RPS6KA5: variants seen among roughly 807,000 people sequenced by gnomAD.
RPS6KA5 encodes ribosomal protein S6 kinase alpha-5.
Under a neutral mutation model 85.5 loss-of-function variants are expected in RPS6KA5, and 27 were observed. The ratio of observed to expected loss-of-function variants is 0.32; its 90% CI spans 0.23 to 0.44. RPS6KA5 has a LOEUF of 0.44. RPS6KA5 is among the 20% of genes least tolerant of loss of function. The pLI is 1.00. For synonymous variants in RPS6KA5, 334 were observed against 348.2 expected (o/e 0.96, Z 0.46); for missense variants, 811 against 980.9 (o/e 0.83, Z 2.31).
chr14:90,943,224 C>A (rs1458732860), intron 4 of RPS6KA5, 39 bp from the exon 5 acceptor site: 13 of 1,208,308 alleles, frequency 1.1e-5, no homozygotes, highest in Non-Finnish European at 1.3e-5. Flanking sequence ...AAATAATTTA[C>A]AAAAAAATGA....
In RPS6KA5 at chr14:90,860,463, G is replaced by A. The variant is rs1354898330; in HGVS notation, c.*11611C>T. The A allele has an allele frequency of 1.3e-5, 2 of 152,216 alleles. No homozygotes were observed. Among genetic ancestry groups the A allele is most frequent in the African/African-American group, 4.8e-5 (2 of 41,418 alleles). 9.4% of individuals were successfully genotyped at this position (152,216 alleles called of 1,614,324 possible). Reference sequence around the variant, plus strand: ...ACACAAGAATCACTTGAACCTAGGAGGTGGAGGTTGCAGTGAGCCAAGATT... The same window carrying A: ...ACACAAGAATCACTTGAACCTAGGAAGTGGAGGTTGCAGTGAGCCAAGATT... On this transcript the variant is annotated 3_prime_UTR_variant, in exon 17 of 17. Transcript: ENST00000614987.
Position 91,060,580 on chromosome 14 carries a change from C to G in RPS6KA5, c.-146G>C. The G allele has an allele frequency of 1.8e-6, 2 of 1,084,728 alleles. No homozygotes were observed. Among genetic ancestry groups the G allele is most frequent in the Non-Finnish European group, 1.2e-6 (1 of 851,362 alleles). The allele number at this position is 1,084,728 out of a possible 1,614,324, so 67.2% of individuals were successfully genotyped here. On this transcript the variant is annotated 5_prime_UTR_variant, in exon 1 of 17. Transcript: ENST00000614987. ...CGGACGCAAAGACGAGTCTCTTTCC[C>G]GCTCTGGCCGCACGGCTCGCTCCTC...
At chr14:91,012,174 C>A (rs1401851358) in intron 1 of RPS6KA5, among the ~76,000 whole-genome samples, 1 of 152,224 alleles carries the variant, frequency 6.6e-6, no homozygotes, top group Non-Finnish European at 1.5e-5. Flanking sequence ...AAAGTTCCTA[C>A]TTTTGGCAAA....
Position 90,890,495 on chromosome 14 carries a change from C to A in RPS6KA5, c.1828G>T (p.Val610Phe). The A allele has an allele frequency of 6.2e-7, 1 of 1,602,970 alleles. No individual in the cohort carries two copies. Among genetic ancestry groups the A allele is most frequent in the Non-Finnish European group, 8.5e-7 (1 of 1,175,356 alleles). The part of the protein sequence containing the change: ...DESCDLWSLG[V>F]ILYTMLSGQV... ...TATTGAAAAGAACTCACCAAAATGACGCCCAAGCTCCACAGGTCACAGGAC... is the reference window on the plus strand; with the variant it reads ...TATTGAAAAGAACTCACCAAAATGAAGCCCAAGCTCCACAGGTCACAGGAC... Residue 610 changes from valine to phenylalanine, a missense_variant, in exon 14 of 17, where the codon GTC (valine) becomes TTC (phenylalanine). By Grantham distance (50) the Val-to-Phe change is conservative. Around this residue, in one of 3 missense-constraint regions of RPS6KA5, gnomAD observed 650 missense variants for 793.4 expected, o/e 0.82. Transcript: ENST00000614987.
intron 2 of RPS6KA5, among the ~76,000 whole-genome samples, chr14:90,998,421 A>AT (rs2040629059): frequency 6.6e-6 from 1 of 152,248 alleles, no homozygotes; most frequent in South Asian, 2.1e-4. Flanking sequence ...GACAAAACAG[A>AT]TAAAAACATG....
At position 90,871,206 on chromosome 14, in the gene RPS6KA5, A is replaced by G. The variant is rs2033088542; in HGVS notation, c.*868T>C. On this transcript the variant is annotated 3_prime_UTR_variant, in exon 17 of 17. Coordinates refer to ENST00000614987, the MANE Select transcript of RPS6KA5 (RefSeq NM_004755.4). ...CTACTTGTTGCATACAAAGTAGAAGAGGAATGTGAGGACAAATTTAAAGTA... is the reference window on the plus strand; with the variant it reads ...CTACTTGTTGCATACAAAGTAGAAGGGGAATGTGAGGACAAATTTAAAGTA... The G allele has an allele frequency of 6.6e-6, 1 of 152,624 alleles. No homozygotes were observed. Among genetic ancestry groups the G allele is most frequent in the South Asian group, 2.1e-4 (1 of 4,832 alleles). 9.5% of individuals were successfully genotyped at this position (152,624 alleles called of 1,614,324 possible).
At chr14:90,990,184 A>G (rs1343086622) in intron 2 of RPS6KA5, among the ~76,000 whole-genome samples, 2 of 152,180 alleles carry the variant, frequency 1.3e-5, no homozygotes, top group African/African-American at 4.8e-5. Context: ...TCAACAAGCA[A>G]AAAACAAACG....
chr14:90,907,433 G>A (rs1485966792), intron 7 of RPS6KA5, among the ~76,000 whole-genome samples: 1 of 152,118 alleles, frequency 6.6e-6, no homozygotes, highest in Non-Finnish European at 1.5e-5. Flanking sequence ...GTATTATGAT[G>A]CTTAAATAAG....
intron 1 of RPS6KA5, among the ~76,000 whole-genome samples, chr14:91,024,823 C>A (rs766818077): frequency 3.3e-5 from 5 of 152,080 alleles, no homozygotes; most frequent in Non-Finnish European, 7.4e-5. Flanking sequence ...AGAATGATTT[C>A]TGTATGTGTT....
intron 3 of RPS6KA5, among the ~76,000 whole-genome samples, chr14:90,969,279 C>T (rs887923299): frequency 2.0e-5 from 3 of 152,184 alleles, no homozygotes; most frequent in African/African-American, 7.2e-5. Flanking sequence ...AGCACGTGCT[C>T]TCCATCAAAA....
intron 1 of RPS6KA5, among the ~76,000 whole-genome samples, chr14:91,026,897 T>C (rs2042009479): frequency 2.0e-5 from 3 of 152,246 alleles, no homozygotes; most frequent in African/African-American, 7.2e-5. Flanking sequence ...CATTTTTTCA[T>C]GTTTGTTGGC....
At chr14:90,963,695 T>A (rs924444837) in intron 3 of RPS6KA5, among the ~76,000 whole-genome samples, 1 of 152,218 alleles carries the variant, frequency 6.6e-6, no homozygotes. Flanking sequence ...TTTACATAGA[T>A]CATTCCATTT....
chr14:90,902,716 G>A (rs1178068448), intron 9 of RPS6KA5, 92 bp downstream of exon 9: 6 of 1,181,294 alleles, frequency 5.1e-6, no homozygotes, highest in Non-Finnish European at 7.1e-6. Flanking sequence ...CCATTTTTAT[G>A]ATGCCAACAA....
intron 1 of RPS6KA5, among the ~76,000 whole-genome samples, chr14:91,006,447 A>C (rs1595457307): frequency 6.6e-6 from 1 of 152,196 alleles, no homozygotes; most frequent in Non-Finnish European, 1.5e-5. Flanking sequence ...TCAGGTCATT[A>C]GGGTGAAACT....
chr14:90,889,077 C>T lies in RPS6KA5; in HGVS notation c.1836+1410G>A, dbSNP rs142714433. Among the ~76,000 whole-genome samples, 1,198 of 152,046 alleles carry T rather than the reference C, an allele frequency of 7.9e-3. 9 individuals carry two copies. The highest frequency in any genetic ancestry group is 0.02 in the Middle Eastern group (6 of 294). ...GGGAGGCCAAGGCAGGCGGATCACC[C>T]GAGGTCAGGAGTTTGAGACCAGCCT... On this transcript the variant is annotated intron_variant, in intron 14 of 16. Transcript: ENST00000614987.
intron 7 of RPS6KA5, among the ~76,000 whole-genome samples, chr14:90,918,918 G>T (rs1420331158): frequency 6.6e-6 from 1 of 151,974 alleles, no homozygotes; most frequent in Non-Finnish European, 1.5e-5. Flanking sequence ...AAGATAATTT[G>T]GCTATTCTAG....
chr14:90,947,635 A>G, intron 3 of RPS6KA5, 85 bp from the exon 4 acceptor site: 2 of 762,252 alleles, frequency 2.6e-6, no homozygotes, highest in Non-Finnish European at 4.4e-6. Context: ...TGGATTCACC[A>G]TAAGGCACTG....
chr14:90,865,177 G>A lies in RPS6KA5; in HGVS notation c.*6897C>T, dbSNP rs531030672. 1 of 152,312 alleles carries A rather than the reference G, an allele frequency of 6.6e-6. No homozygotes were observed. The highest frequency in any genetic ancestry group is 1.9e-4 in the East Asian group (1 of 5,194). 9.4% of individuals were successfully genotyped at this position (152,312 alleles called of 1,614,324 possible). On this transcript the variant is annotated 3_prime_UTR_variant, in exon 17 of 17. Transcript: ENST00000614987. ...TTAAGTGGACACACAAGAGAAATGAGTGTACGTGTCCATTAAAATATATGC... is the reference window on the plus strand; with the variant it reads ...TTAAGTGGACACACAAGAGAAATGAATGTACGTGTCCATTAAAATATATGC...
At chr14:90,953,691 A>G (rs908380453) in intron 3 of RPS6KA5, among the ~76,000 whole-genome samples, 17 of 152,110 alleles carry the variant, frequency 1.1e-4, no homozygotes, top group African/African-American at 2.4e-5. Flanking sequence ...GAGGTCTATA[A>G]ATGGCCACTC....
Sources: allele counts gnomAD v4.1 joint callset (sites outside exome capture counted in the v4.1 genomes callset), GRCh38; gene constraint gnomAD v4.1.1; regional missense constraint gnomAD v4.1.1; transcripts MANE v1.5; gene names NCBI Gene and HGNC (gene_info 2026-07-23, HGNC 2026-07-21).